The following PDK1 variants were observed in gnomAD, a reference collection of about 807,000 sequenced individuals.
The protein encoded by PDK1 is pyruvate dehydrogenase kinase 1, also known as [Pyruvate dehydrogenase (acetyl-transferring)] kinase isozyme 1, mitochondrial.
Under a neutral mutation model 54.2 loss-of-function variants are expected in PDK1, and 39 were observed. The observed-to-expected ratio is 0.72, with a 90% CI of 0.56 to 0.94. The LOEUF (loss-of-function observed/expected upper bound fraction) is 0.94. Ranked by LOEUF, PDK1 falls within the 40% of genes least tolerant of loss-of-function variation. PDK1 has a pLI of 0.00. For synonymous variants in PDK1, 221 were observed against 207.1 expected (o/e 1.07, Z -0.58); for missense variants, 552 against 566.0 (o/e 0.98, Z 0.25).
the PDK1 span, among the ~76,000 whole-genome samples, chr2:172,646,884 T>C: frequency 6.6e-6 from 1 of 151,966 alleles, no homozygotes; most frequent in Non-Finnish European, 1.5e-5. Context: ...ATTATAGGCA[T>C]GTGCCACCAT....
At position 172,556,314 on chromosome 2, in the gene PDK1, C is replaced by A; in HGVS notation, c.164C>A (p.Ser55Tyr). 1.3e-6 allele frequency: 2 copies of A among 1,496,376 alleles called. No individual in the cohort carries two copies. Among genetic ancestry groups the A allele is most frequent in the South Asian group, 1.3e-5 (1 of 76,772 alleles). The allele number at this position is 1,496,376 out of a possible 1,614,324, so 92.7% of individuals were successfully genotyped here. Residue 55 changes from serine (S) to tyrosine (Y), a missense_variant, in exon 1 of 11, where the codon TCC becomes TAC. Coordinates refer to ENST00000282077, the MANE Select transcript of PDK1 (RefSeq NM_002610.5). ...GACTTCTACGCGCGCTTCTCGCCGT[C>A]CCCGCTCTCCATGAAGCAGTTCCTG... ...QVDFYARFSP[S>Y]PLSMKQFLDF...
the PDK1 span, among the ~76,000 whole-genome samples, chr2:172,667,104 T>C: frequency 2.6e-5 from 4 of 152,184 alleles, no homozygotes; most frequent in Non-Finnish European, 4.4e-5. Flanking sequence ...AGGTAGTCTC[T>C]CATCTCTCAC....
chr2:172,675,078 C>T, the PDK1 span, among the ~76,000 whole-genome samples: 9 of 152,220 alleles, frequency 5.9e-5, no homozygotes, highest in South Asian at 2.1e-4. Flanking sequence ...ACGAAGCACG[C>T]TCATAGCAGA....
chr2:172,693,899 G>A, the PDK1 span, among the ~76,000 whole-genome samples: 1 of 152,096 alleles, frequency 6.6e-6, no homozygotes, highest in East Asian at 1.9e-4. Flanking sequence ...CTCCCCTCCT[G>A]GCTCTCCCTC....
At chr2:172,588,306 T>G (rs1178562124) in intron 9 of PDK1, among the ~76,000 whole-genome samples, 1 of 152,228 alleles carries the variant, frequency 6.6e-6, no homozygotes, top group Admixed American at 6.5e-5. Context: ...AGCGGCATAG[T>G]GAGCTAGTCC....
intron 8 of PDK1, among the ~76,000 whole-genome samples, chr2:172,579,704 C>CTTTTTTTTTTTTTTTTTTTT (rs11303240): frequency 6.9e-6 from 1 of 145,494 alleles, no homozygotes; most frequent in Non-Finnish European, 1.5e-5. Context: ...GAGTTTTTAA[C>CTTTTTTTTTTTTTTTTTTTT]TTTTTTTTTT....
At position 172,607,932 on chromosome 2, in the gene PDK1, G is replaced by A. The variant is rs1558967770; in HGVS notation, c.*11963G>A. On this transcript the variant is annotated 3_prime_UTR_variant, in exon 11 of 11. Coordinates refer to ENST00000282077, the MANE Select transcript of PDK1 (RefSeq NM_002610.5). ...GATCTAGAAATGATATTTTTAAAAG[G>A]AGCTGTGTTTCAGTGTTAGACTGTA... 1 of 152,150 alleles carries A rather than the reference G, an allele frequency of 6.6e-6. No individual in the cohort carries two copies. Among genetic ancestry groups the A allele is most frequent in the Non-Finnish European group, 1.5e-5 (1 of 68,020 alleles). 9.4% of individuals were successfully genotyped at this position (152,150 alleles called of 1,614,324 possible). A position where few individuals can be genotyped will look rare whatever the true frequency, so the allele number is the denominator to read the frequency against.
chr2:172,630,222 G>A, the PDK1 span, among the ~76,000 whole-genome samples: 2 of 152,160 alleles, frequency 1.3e-5, no homozygotes, highest in Admixed American at 6.5e-5. Flanking sequence ...TAAAAACTAT[G>A]TACTTGGGCT....
the PDK1 span, among the ~76,000 whole-genome samples, chr2:172,645,248 G>A: frequency 9.3e-6 from 1 of 107,968 alleles, no homozygotes; most frequent in African/African-American, 3.4e-5. Flanking sequence ...AATGTACACA[G>A]TACAAAATAG....
At chr2:172,689,969 G>A in the PDK1 span, among the ~76,000 whole-genome samples, 10 of 150,300 alleles carry the variant, frequency 6.7e-5, no homozygotes, top group African/African-American at 2.2e-4. Flanking sequence ...AACACCAAAA[G>A]CAATGGCAAC....
chr2:172,624,809 A>G, the PDK1 span, among the ~76,000 whole-genome samples: 2 of 152,112 alleles, frequency 1.3e-5, no homozygotes, highest in South Asian at 2.1e-4. Flanking sequence ...GACCAGCCTG[A>G]CCAACAGAAA....
rs1306611966 is a variant in PDK1 at position 172,595,939 on chromosome 2, C to G, written c.1281C>G (p.Pro427=). ...ACTGGTGCGTCCCCAGCAGAGAACCCAAAGACATGACGACGTTCCGCAGTG... is the reference window on the plus strand; with the variant it reads ...ACTGGTGCGTCCCCAGCAGAGAACCGAAAGACATGACGACGTTCCGCAGTG... ...ADDWCVPSRE[P]KDMTTFRSA is the part of the protein sequence containing the mutation. Residue 427 remains proline, a synonymous_variant, in exon 11 of 11, where the codon CCC becomes CCG. Transcript: ENST00000282077. The G allele has an allele frequency of 1.9e-6, 3 of 1,613,426 alleles. No individual in the cohort carries two copies. The highest frequency in any genetic ancestry group is 3.3e-5 in the Admixed American group (2 of 59,942).
chr2:172,632,573 T>G, the PDK1 span, among the ~76,000 whole-genome samples: 1 of 152,214 alleles, frequency 6.6e-6, no homozygotes, highest in Non-Finnish European at 1.5e-5. Flanking sequence ...TTTGAACATG[T>G]CTGCAATGTG....
chr2:172,587,313 G>A (rs1282074588), intron 9 of PDK1, among the ~76,000 whole-genome samples: 6 of 152,168 alleles, frequency 3.9e-5, no homozygotes, highest in Admixed American at 3.3e-4. Flanking sequence ...CAGGAGTGAA[G>A]CTGCAGACCT....
chr2:172,625,041 T>C, the PDK1 span, among the ~76,000 whole-genome samples: 6 of 151,790 alleles, frequency 4.0e-5, no homozygotes, highest in East Asian at 1.2e-3. Context: ...GATAATGTCT[T>C]TTGAATGCTT....
chr2:172,564,786 T>TAGGAAA, intron 4 of PDK1, 99 bp downstream of exon 4: 2 of 1,148,872 alleles, frequency 1.7e-6, no homozygotes, highest in Non-Finnish European at 1.2e-6. Flanking sequence ...GAAATTTAGT[T>TAGGAAA]TTACCTTTTG....
the PDK1 span, among the ~76,000 whole-genome samples, chr2:172,670,370 T>G: frequency 6.6e-6 from 1 of 152,334 alleles, no homozygotes; most frequent in East Asian, 1.9e-4. Context: ...ATAATTTAAT[T>G]TATGAAATCT....
At position 172,602,772 on chromosome 2, in the gene PDK1, C is replaced by T. The variant is rs144860217; in HGVS notation, c.*6803C>T. The T allele has an allele frequency of 1.2e-3, 189 of 152,184 alleles. 1 individual carries two copies. The highest frequency in any genetic ancestry group is 4.3e-3 in the African/African-American group (178 of 41,518). 9.4% of individuals were successfully genotyped at this position (152,184 alleles called of 1,614,324 possible). A position where few individuals can be genotyped will look rare whatever the true frequency, so the allele number is the denominator to read the frequency against. ...GCCTAGGGTTTTTTTGTTTGGTAAACCATTGCCTTTCCTGCTTTGGTGTGG... is the reference window on the plus strand; with the variant it reads ...GCCTAGGGTTTTTTTGTTTGGTAAATCATTGCCTTTCCTGCTTTGGTGTGG... On this transcript the variant is annotated 3_prime_UTR_variant, in exon 11 of 11. Coordinates refer to ENST00000282077, the MANE Select transcript of PDK1 (RefSeq NM_002610.5).
the PDK1 span, among the ~76,000 whole-genome samples, chr2:172,710,297 A>C: frequency 2.0e-5 from 3 of 152,256 alleles, no homozygotes; most frequent in Non-Finnish European, 4.4e-5. Flanking sequence ...CATGTGAAAG[A>C]TGCTTGTTTC....
Sources: gnomAD v4.1 joint callset for allele counts (sites outside exome capture counted in the v4.1 genomes callset) on GRCh38, gnomAD v4.1.1 for gene constraint, MANE v1.5 for transcripts, NCBI Gene and HGNC (gene_info 2026-07-23, HGNC 2026-07-21) for gene names.